Variants in SPTBN1 observed in about 807,000 individuals in gnomAD.
SPTBN1 encodes spectrin beta, non-erythrocytic 1.
A neutral mutation model predicts 266.4 loss-of-function variants in SPTBN1; 32 were observed. The ratio of observed to expected loss-of-function variants is 0.12; its 90% CI spans 0.09 to 0.16. SPTBN1 has a LOEUF of 0.16. SPTBN1 is among the 10% of genes least tolerant of loss of function. The probability of loss-of-function intolerance (pLI) is 1.00; values close to 1 mark genes in which losing one functional copy is unlikely to be tolerated. For missense variants in SPTBN1, 2,296 were observed against 3,067.1 expected, an observed-to-expected ratio of 0.75 and a Z score of 5.94; for synonymous variants, 1,336 against 1,162.2, an observed-to-expected ratio of 1.15 and a Z score of -3.04.
chr2:54,655,512 G>T (rs1680591728), intron 28 of SPTBN1, among the ~76,000 whole-genome samples: 1 of 152,204 alleles, frequency 6.6e-6, no homozygotes, highest in African/African-American at 2.4e-5. Flanking sequence ...TCAGTTTGCT[G>T]TTGAGTGCAT....
intron 1 of SPTBN1, among the ~76,000 whole-genome samples, chr2:54,477,570 A>G (rs778188822): frequency 6.6e-6 from 1 of 152,148 alleles, no homozygotes; most frequent in Non-Finnish European, 1.5e-5. Context: ...TAAAGCTGTC[A>G]GTTACCTCAC....
intron 3 of SPTBN1, among the ~76,000 whole-genome samples, chr2:54,599,692 C>T (rs1293711767): frequency 6.6e-6 from 1 of 152,226 alleles, no homozygotes; most frequent in African/African-American, 2.4e-5. Context: ...CTGATGTTTT[C>T]TTCCCTGCAC....
At chr2:54,492,672 A>G (rs548428861) in intron 1 of SPTBN1, among the ~76,000 whole-genome samples, 2 of 152,218 alleles carry the variant, frequency 1.3e-5, no homozygotes, top group African/African-American at 4.8e-5. Flanking sequence ...AGCAGTCTTC[A>G]TGCTGAGGAC....
At chr2:54,665,871 G>GT (rs771690417) in intron 33 of SPTBN1, 44 bp from the exon 34 acceptor site, 363 of 1,577,318 alleles carry the variant, frequency 2.3e-4, no homozygotes, top group Non-Finnish European at 2.9e-4. Flanking sequence ...GGGGAATGTG[G>GT]TAGAGCCTTT....
chr2:54,574,400 G>A (rs556291293), intron 2 of SPTBN1, among the ~76,000 whole-genome samples: 75 of 152,298 alleles, frequency 4.9e-4, no homozygotes, highest in South Asian at 8.3e-4. Context: ...GGTGTGGCAG[G>A]ATCTGGAGGG....
At position 54,646,298 on chromosome 2, in the gene SPTBN1, C is replaced by T; in HGVS notation, c.4689C>T (p.Ile1563=). The part of the protein sequence containing the change: ...TDSSSLSAEA[I]RQRLADLKQL... ...GCAGCAGCCTCAGCGCTGAGGCCAT[C>T]AGACAGAGGCTTGCCGACCTGAAGC... Residue 1563 remains isoleucine (I), a synonymous_variant, in exon 23 of 36, where the codon ATC becomes ATT. Transcript: ENST00000356805. This position sits in a 1 kb window ranked among gnomAD's most constrained non-coding sequence, Gnocchi z 4.4. 1.2e-6 allele frequency: 2 copies of T among 1,614,214 alleles called. No individual in the cohort carries two copies. The highest frequency in any genetic ancestry group is 1.7e-6 in the Non-Finnish European group (2 of 1,180,040).
intron 32 of SPTBN1, chr2:54,660,429 A>G: frequency 1.8e-6 from 2 of 1,081,400 alleles, no homozygotes; most frequent in Non-Finnish European, 1.1e-6. Flanking sequence ...AGTTATTCTA[A>G]CAGGGCACAG....
At chr2:54,625,034 T>C in intron 11 of SPTBN1, 72 bp downstream of exon 11, 11 of 1,501,534 alleles carry the variant, frequency 7.3e-6, no homozygotes, top group South Asian at 1.4e-5. Context: ...CCCAGGGGCA[T>C]AGGGCCAGAG....
intron 4 of SPTBN1, among the ~76,000 whole-genome samples, chr2:54,614,244 C>A (rs1677422412): frequency 1.3e-5 from 2 of 152,112 alleles, no homozygotes; most frequent in African/African-American, 2.4e-5. Context: ...AGCCAAGGCC[C>A]AGCTGTAGAT....
intron 2 of SPTBN1, among the ~76,000 whole-genome samples, chr2:54,547,848 T>C (rs1372710844): frequency 2.0e-5 from 3 of 152,170 alleles, no homozygotes; most frequent in Admixed American, 6.6e-5. Context: ...CACCTGTCAT[T>C]AAAATTCTAG....
intron 20 of SPTBN1, among the ~76,000 whole-genome samples, chr2:54,644,792 G>T (rs1313911883): frequency 1.3e-5 from 2 of 152,186 alleles, no homozygotes; most frequent in Non-Finnish European, 2.9e-5. Flanking sequence ...ACAGTATTAG[G>T]AGTATTGGGT....
At position 54,645,923 on chromosome 2, in the gene SPTBN1, C is replaced by T. The variant is rs759552929; in HGVS notation, c.4495-5C>T. ...ATCTGACCACTTATTTAAAATTCTT[C>T]CCAGTTGTGGGTTGGAGAGAGGATG... is the stretch of plus-strand genomic sequence containing the variant. On this transcript the variant is annotated splice_region_variant and splice_polypyrimidine_tract_variant and intron_variant, in intron 21 of 35. Transcript: ENST00000356805. The surrounding 1 kb of genome is among the most constrained non-coding windows in gnomAD (Gnocchi z 4.3). The T allele has an allele frequency of 2.7e-5, 43 of 1,614,014 alleles. No individual in the cohort carries two copies. In the Middle Eastern group the frequency reaches 4.9e-4, roughly 19 times the overall value.
At chr2:54,578,476 TGCC>T (rs1164585175) in intron 2 of SPTBN1, among the ~76,000 whole-genome samples, 2 of 152,216 alleles carry the variant, frequency 1.3e-5, no homozygotes, top group Non-Finnish European at 2.9e-5. Context: ...CTGCTGCTGC[TGCC>T]AAGTATAAGT....
chr2:54,520,351 C>A (rs1471505494), intron 1 of SPTBN1: 2 of 152,134 alleles, frequency 1.3e-5, no homozygotes, highest in Non-Finnish European at 2.9e-5. Flanking sequence ...TGGTAACATT[C>A]CAGTTTCTTT....
At chr2:54,457,075 C>G (rs1029901809) in intron 1 of SPTBN1, among the ~76,000 whole-genome samples, 1 of 151,340 alleles carries the variant, frequency 6.6e-6, no homozygotes, top group Non-Finnish European at 1.5e-5. Context: ...GGCTGCGCCG[C>G]GCTGCAGCTG....
intron 2 of SPTBN1, among the ~76,000 whole-genome samples, chr2:54,546,940 A>G (rs1012308234): frequency 1.1e-4 from 15 of 139,778 alleles, no homozygotes; most frequent in African/African-American, 3.6e-4. Context: ...TGTTTTTAAA[A>G]TTCATTTTTA....
In SPTBN1 at chr2:54,664,405, C is replaced by T. The variant is rs763771479; in HGVS notation, c.6421-48C>T. ...GAGTCAGGTAGAGCGTATGTGGTCA[C>T]CCCCATGGCTCACGGAGTTAGCTGA... On this transcript the variant is annotated intron_variant, in intron 32 of 35. Coordinates refer to ENST00000356805, the MANE Select transcript of SPTBN1 (RefSeq NM_003128.3). The surrounding 1 kb of genome is among the most constrained non-coding windows in gnomAD (Gnocchi z 5.6). The T allele has an allele frequency of 1.3e-6, 2 of 1,574,432 alleles. No individual in the cohort carries two copies.
chr2:54,511,870 C>A (rs1416950927), intron 1 of SPTBN1, among the ~76,000 whole-genome samples: 1 of 152,004 alleles, frequency 6.6e-6, no homozygotes, highest in East Asian at 1.9e-4. Context: ...GACTCCATCT[C>A]AAAAAATAAT....
rs187773319 is a variant in SPTBN1, at chr2:54,609,969, A to G, written c.301-2192A>G. Reference sequence around the variant, plus strand: ...TTGCACAGAACAGTAGAGTTAGCCTATCCCTTTATGCCTTAAGTCCTGGTG... The same window carrying G: ...TTGCACAGAACAGTAGAGTTAGCCTGTCCCTTTATGCCTTAAGTCCTGGTG... On this transcript the variant is annotated intron_variant, in intron 3 of 35. Coordinates refer to ENST00000356805, the MANE Select transcript of SPTBN1 (RefSeq NM_003128.3). 7.8e-4 allele frequency among the ~76,000 whole-genome samples: 118 copies of G among 151,856 alleles called. 1 individual carries two copies. Among genetic ancestry groups the G allele is most frequent in the African/African-American group, 2.0e-3 (82 of 41,382 alleles).
Sources: gnomAD v4.1 joint callset for allele counts (sites outside exome capture counted in the v4.1 genomes callset) on GRCh38, gnomAD v4.1.1 for gene constraint, Gnocchi (gnomAD v3.1) non-coding constraint, MANE v1.5 for transcripts, NCBI Gene and HGNC (gene_info 2026-07-23, HGNC 2026-07-21) for gene names.